STXBP4: variants seen among roughly 807,000 people sequenced by gnomAD.
The protein encoded by STXBP4 is syntaxin binding protein 4, also known as syntaxin-binding protein 4.
A neutral mutation model predicts 76.1 loss-of-function variants in STXBP4; 55 were observed. That is an observed-to-expected ratio of 0.72 (90% CI 0.58 to 0.91). The LOEUF is 0.91. STXBP4 is among the 40% of genes least tolerant of loss of function. The pLI, the probability that STXBP4 is intolerant of heterozygous loss-of-function variation, is 0.00. For missense variants in STXBP4, 618 were observed against 636.9 expected, an observed-to-expected ratio of 0.97 and a Z score of 0.32; for synonymous variants, 201 against 220.2, an observed-to-expected ratio of 0.91 and a Z score of 0.77.
At chr17:55,206,064 C>G in the STXBP4 span, among the ~76,000 whole-genome samples, 2 of 151,908 alleles carry the variant, frequency 1.3e-5, no homozygotes, top group South Asian at 2.1e-4. Flanking sequence ...ATCATAAACT[C>G]TATATTGATT....
chr17:54,996,310 G>A (rs984594655), intron 4 of STXBP4, among the ~76,000 whole-genome samples: 7 of 150,664 alleles, frequency 4.6e-5, no homozygotes, highest in African/African-American at 1.7e-4. Context: ...GCTGGTTTGA[G>A]GCACATTCTC....
chr17:55,074,033 A>G (rs1372459867), intron 13 of STXBP4, among the ~76,000 whole-genome samples: 1 of 152,206 alleles, frequency 6.6e-6, no homozygotes, highest in Non-Finnish European at 1.5e-5. Context: ...TCACTGAATT[A>G]AGGTAGAAAA....
chr17:55,183,263 T>TA, the STXBP4 span, among the ~76,000 whole-genome samples: 1 of 151,716 alleles, frequency 6.6e-6, no homozygotes, highest in Non-Finnish European at 1.5e-5. Flanking sequence ...TTAGTAAAAG[T>TA]AAAAAAATGG....
chr17:55,110,246 C>A (rs958072234), intron 16 of STXBP4, among the ~76,000 whole-genome samples: 1 of 152,154 alleles, frequency 6.6e-6, no homozygotes, highest in African/African-American at 2.4e-5. Flanking sequence ...TTATGTTGCA[C>A]CAACATGGAT....
At chr17:54,973,796 C>G (rs1038762716) in intron 1 of STXBP4, among the ~76,000 whole-genome samples, 1 of 152,188 alleles carries the variant, frequency 6.6e-6, no homozygotes, top group Non-Finnish European at 1.5e-5. Context: ...GTTAATTACA[C>G]ATTTTAAATA....
At chr17:55,145,868 A>T (rs1447392078) in intron 17 of STXBP4, among the ~76,000 whole-genome samples, 1 of 152,028 alleles carries the variant, frequency 6.6e-6, no homozygotes, top group Non-Finnish European at 1.5e-5. Context: ...ATTCTAGGAA[A>T]TTTTTTCTTA....
At chr17:55,125,170 G>A (rs1299168934) in intron 16 of STXBP4, among the ~76,000 whole-genome samples, 1 of 152,126 alleles carries the variant, frequency 6.6e-6, no homozygotes, top group African/African-American at 2.4e-5. Context: ...AAAGGTCTGA[G>A]TGCAGCATTT....
the STXBP4 span, among the ~76,000 whole-genome samples, chr17:55,191,134 T>G: frequency 2.6e-3 from 396 of 152,306 alleles, 10 homozygotes; most frequent in Admixed American, 0.022. Flanking sequence ...TTATTCCCAT[T>G]ATACAGATGA....
In STXBP4 at chr17:55,022,485, T is replaced by C. The variant is rs187359515; in HGVS notation, c.667-8683T>C. ...CTCTGGTTGAGGCATTTTAGTGTTTTGGCACTGTAAAATTGGTGGTATACA... is the reference window on the plus strand; with the variant it reads ...CTCTGGTTGAGGCATTTTAGTGTTTCGGCACTGTAAAATTGGTGGTATACA... On this transcript the variant is annotated intron_variant, in intron 8 of 17. Coordinates refer to ENST00000376352, the MANE Select transcript of STXBP4 (RefSeq NM_178509.6). Among the ~76,000 whole-genome samples, 5 of 152,330 alleles carry C rather than the reference T, an allele frequency of 3.3e-5. No individual in the cohort carries two copies. The East Asian group carries it at 7.7e-4, about 24-fold the overall frequency.
intron 12 of STXBP4, among the ~76,000 whole-genome samples, chr17:55,051,951 T>C (rs1358020526): frequency 6.6e-6 from 1 of 152,012 alleles, no homozygotes; most frequent in Middle Eastern, 3.2e-3. Flanking sequence ...CCAATCCAAG[T>C]TTAAAATATC....
At chr17:55,128,679 G>A (rs762159589) in intron 16 of STXBP4, among the ~76,000 whole-genome samples, 54 of 151,790 alleles carry the variant, frequency 3.6e-4, no homozygotes, top group Middle Eastern at 3.4e-3. Flanking sequence ...GCAATGGCAC[G>A]ATCTTGGCTC....
intron 12 of STXBP4, among the ~76,000 whole-genome samples, chr17:55,070,816 C>T (rs2079110642): frequency 6.6e-6 from 1 of 152,112 alleles, no homozygotes; most frequent in South Asian, 2.1e-4. Context: ...TGTCTCTCTT[C>T]CTTTATTCAC....
chr17:55,180,829 G>T, the STXBP4 span, among the ~76,000 whole-genome samples: 4 of 152,294 alleles, frequency 2.6e-5, no homozygotes, highest in South Asian at 8.3e-4. Context: ...CTTAAGACAA[G>T]AGGAAAGACC....
chr17:55,015,762 G>A (rs1368310489), intron 8 of STXBP4, among the ~76,000 whole-genome samples: 2 of 151,626 alleles, frequency 1.3e-5, no homozygotes, highest in Admixed American at 6.6e-5. Flanking sequence ...TCGGGGGGAC[G>A]CTGGGGTAGG....
At chr17:55,040,461 A>G (rs1156829149) in intron 10 of STXBP4, among the ~76,000 whole-genome samples, 1 of 152,224 alleles carries the variant, frequency 6.6e-6, no homozygotes, top group African/African-American at 2.4e-5. Flanking sequence ...TATCAATAAA[A>G]TTAGACTGAC....
At position 55,164,323 on chromosome 17, in the gene STXBP4, TA is replaced by T. The variant is rs1231357700; in HGVS notation, c.*4413del. ...CTACTTTTTTCAAAAGTTCAATTTT[TA>T]CTTTTGGGGGTTGGACTGTTCTGAG... is the stretch of plus-strand genomic sequence containing the variant. On this transcript the variant is annotated 3_prime_UTR_variant, in exon 18 of 18. Coordinates refer to ENST00000376352, the MANE Select transcript of STXBP4 (RefSeq NM_178509.6). 6.6e-6 allele frequency: 1 copy of T among 152,210 alleles called. No individual in the cohort carries two copies. Among genetic ancestry groups the T allele is most frequent in the Non-Finnish European group, 1.5e-5 (1 of 68,038 alleles). 9.4% of individuals were successfully genotyped at this position (152,210 alleles called of 1,614,324 possible). A position where few individuals can be genotyped will look rare whatever the true frequency, so the allele number is the denominator to read the frequency against.
At chr17:55,128,304 T>C (rs2145113334) in intron 16 of STXBP4, among the ~76,000 whole-genome samples, 1 of 152,158 alleles carries the variant, frequency 6.6e-6, no homozygotes, top group East Asian at 1.9e-4. Context: ...AGATCCAGAG[T>C]CTGGGCAGGT....
intron 16 of STXBP4, among the ~76,000 whole-genome samples, chr17:55,086,944 T>C (rs1424925248): frequency 7.2e-5 from 11 of 152,206 alleles, no homozygotes; most frequent in Admixed American, 7.2e-4. Context: ...GTGTTTTTGA[T>C]AATAGTCATC....
chr17:55,022,215 G>A (rs1281802914), intron 8 of STXBP4, among the ~76,000 whole-genome samples: 2 of 151,586 alleles, frequency 1.3e-5, no homozygotes, highest in Non-Finnish European at 2.9e-5. Flanking sequence ...ACTTTTAGAT[G>A]TTATTCACTT....
Sources: allele counts gnomAD v4.1 joint callset (sites outside exome capture counted in the v4.1 genomes callset), GRCh38; gene constraint gnomAD v4.1.1; transcripts MANE v1.5; gene names NCBI Gene and HGNC (gene_info 2026-07-23, HGNC 2026-07-21).